Variants in CHN1 observed in about 807,000 individuals in gnomAD.
CHN1 encodes chimerin 1.
CHN1 carries 37 observed loss-of-function variants against 59.5 expected under a neutral mutation model. The ratio of observed to expected loss-of-function variants is 0.62; its 90% confidence interval spans 0.48 to 0.82. The LOEUF is 0.82. CHN1 is among the 40% of genes least tolerant of loss of function. The pLI is 0.00. For synonymous variants in CHN1, 206 were observed against 200.4 expected (o/e 1.03, Z -0.24); for missense variants, 469 against 571.0 (o/e 0.82, Z 1.82).
At chr2:174,801,467 C>T (rs571663252) in intron 12 of CHN1, among the ~76,000 whole-genome samples, 1 of 152,298 alleles carries the variant, frequency 6.6e-6, no homozygotes, top group Non-Finnish European at 1.5e-5. Flanking sequence ...TCTAGCATAT[C>T]TGAAAACATA....
chr2:174,936,483 C>T (rs1037011195), intron 3 of CHN1, among the ~76,000 whole-genome samples: 26 of 152,152 alleles, frequency 1.7e-4, no homozygotes, highest in Non-Finnish European at 2.8e-4. Context: ...TGTGTCTACT[C>T]AGTCACTCTA....
At chr2:174,967,794 G>A (rs1690640526) in intron 1 of CHN1, among the ~76,000 whole-genome samples, 2 of 152,152 alleles carry the variant, frequency 1.3e-5, no homozygotes, top group South Asian at 2.1e-4. Flanking sequence ...AATTGCAAAT[G>A]ATGTTTTTCT....
intron 1 of CHN1, among the ~76,000 whole-genome samples, chr2:174,983,923 T>G (rs1468711839): frequency 6.6e-6 from 1 of 152,196 alleles, no homozygotes; most frequent in Non-Finnish European, 1.5e-5. Context: ...ATGTCTACAT[T>G]TTCACAAGAG....
At chr2:174,817,017 T>C (rs1459269879) in intron 8 of CHN1, among the ~76,000 whole-genome samples, 3 of 152,122 alleles carry the variant, frequency 2.0e-5, no homozygotes, top group Non-Finnish European at 4.4e-5. Context: ...CAGAAAGTGC[T>C]AGAACTGACT....
At chr2:174,943,826 CT>C (rs1689745529) in intron 3 of CHN1, among the ~76,000 whole-genome samples, 1 of 151,756 alleles carries the variant, frequency 6.6e-6, no homozygotes, top group African/African-American at 2.4e-5. Context: ...TACAAATATA[CT>C]TTTCCTTTTT....
At chr2:174,842,953 C>T (rs1686364830) in intron 7 of CHN1, among the ~76,000 whole-genome samples, 1 of 152,188 alleles carries the variant, frequency 6.6e-6, no homozygotes, top group Non-Finnish European at 1.5e-5. Context: ...TGAAAATCAA[C>T]AACTAATTCA....
chr2:174,985,093 G>A (rs770822841), intron 1 of CHN1, among the ~76,000 whole-genome samples: 6 of 152,142 alleles, frequency 3.9e-5, no homozygotes, highest in Non-Finnish European at 7.4e-5. Flanking sequence ...TGATGAGGCT[G>A]AGAAAAATCA....
intron 3 of CHN1, among the ~76,000 whole-genome samples, chr2:174,928,336 ATAT>A: frequency 6.6e-6 from 1 of 152,362 alleles, no homozygotes; most frequent in South Asian, 2.1e-4. Flanking sequence ...ATTATTCATC[ATAT>A]TAAGATACAG....
At chr2:174,980,402 C>A (rs1208009812) in intron 1 of CHN1, among the ~76,000 whole-genome samples, 2 of 152,158 alleles carry the variant, frequency 1.3e-5, no homozygotes, top group Non-Finnish European at 2.9e-5. Context: ...AGTTCCACTT[C>A]TTTGCCGCTG....
intron 5 of CHN1, among the ~76,000 whole-genome samples, chr2:174,887,636 C>A (rs1195919462): frequency 2.0e-5 from 3 of 152,112 alleles, no homozygotes; most frequent in Admixed American, 2.0e-4. Context: ...GAATAATCAA[C>A]CACCTATATT....
chr2:174,931,764 A>ATGGGC (rs1689354786), intron 3 of CHN1, among the ~76,000 whole-genome samples: 1 of 152,232 alleles, frequency 6.6e-6, no homozygotes, highest in South Asian at 2.1e-4. Context: ...AGTGGTCACA[A>ATGGGC]TGGGCCTCGC....
intron 6 of CHN1, among the ~76,000 whole-genome samples, chr2:174,869,057 G>T (rs1220321012): frequency 1.3e-5 from 2 of 152,118 alleles, no homozygotes; most frequent in East Asian, 1.9e-4. Flanking sequence ...AAGAGCAAAG[G>T]TATAGTCAAT....
intron 7 of CHN1, among the ~76,000 whole-genome samples, chr2:174,839,986 T>A (rs1413545799): frequency 6.6e-6 from 1 of 151,460 alleles, no homozygotes; most frequent in Non-Finnish European, 1.5e-5. Context: ...AAGTTTAAAC[T>A]ACCCTCTGTC....
At chr2:174,924,277 G>A (rs566924169) in intron 3 of CHN1, among the ~76,000 whole-genome samples, 3 of 152,268 alleles carry the variant, frequency 2.0e-5, no homozygotes, top group South Asian at 2.1e-4. Flanking sequence ...CTCCTGAGAT[G>A]ACCTGAGTCT....
At chr2:174,805,948 G>T (rs1355979195) in intron 11 of CHN1, among the ~76,000 whole-genome samples, 1 of 152,016 alleles carries the variant, frequency 6.6e-6, no homozygotes, top group Admixed American at 6.6e-5. Context: ...AGCTGCTCTG[G>T]GAACAGAGTT....
chr2:174,837,230 A>G (rs1369035674), intron 7 of CHN1: 1 of 152,220 alleles, frequency 6.6e-6, no homozygotes, highest in Non-Finnish European at 1.5e-5. Context: ...CACACCCCCT[A>G]GAGATGGACT....
intron 6 of CHN1, among the ~76,000 whole-genome samples, chr2:174,859,689 T>G (rs529877704): frequency 2.0e-5 from 3 of 152,310 alleles, no homozygotes; most frequent in Admixed American, 2.0e-4. Flanking sequence ...TCAGGGCAGA[T>G]AGTAAGCAAA....
chr2:174,999,985 T>G (rs1188656982), intron 1 of CHN1, among the ~76,000 whole-genome samples: 1 of 152,184 alleles, frequency 6.6e-6, no homozygotes, highest in Non-Finnish European at 1.5e-5. Context: ...GTGCCAACAT[T>G]CCTCTACAGT....
chr2:174,884,174 T>C (rs1687824528), intron 5 of CHN1, among the ~76,000 whole-genome samples: 1 of 152,016 alleles, frequency 6.6e-6, no homozygotes, highest in South Asian at 2.1e-4. Context: ...GGTTTCACCA[T>C]GTTAACCAGG....
Sources: gnomAD v4.1 joint callset for allele counts (sites outside exome capture counted in the v4.1 genomes callset) on GRCh38, gnomAD v4.1.1 for gene constraint, MANE v1.5 for transcripts, NCBI Gene and HGNC (gene_info 2026-07-23, HGNC 2026-07-21) for gene names.